MED20: variants seen among roughly 807,000 people sequenced by gnomAD.
MED20 encodes mediator complex subunit 20.
MED20 carries 19 observed loss-of-function variants against 19.7 expected under a neutral mutation model. The ratio of observed to expected loss-of-function variants is 0.96; its 90% CI spans 0.67 to 1.42. The LOEUF (loss-of-function observed/expected upper bound fraction) is 1.42, where lower values mean the gene tolerates loss of function less well. MED20 is among the 40% of genes most tolerant of loss of function. The probability of loss-of-function intolerance (pLI) is 0.00; values close to 1 mark genes in which losing one functional copy is unlikely to be tolerated. For missense variants in MED20, 225 were observed against 273.0 expected (o/e 0.82, Z 1.24); for synonymous variants, 105 against 104.8 (o/e 1.00, Z -0.01).
chr6:41,909,035 A>T (rs1238271637), intron 3 of MED20: 2 of 523,366 alleles, frequency 3.8e-6, no homozygotes, highest in South Asian at 3.6e-5. Context: ...AAAAAAAAAA[A>T]TTTAATTCGG....
At chr6:41,915,527 C>T (rs1293925197) in intron 2 of MED20, among the ~76,000 whole-genome samples, 1 of 152,058 alleles carries the variant, frequency 6.6e-6, no homozygotes, top group African/African-American at 2.4e-5. Flanking sequence ...GTGGCTCACG[C>T]CTATAATCCC....
At chr6:41,917,581 A>C (rs9357371) in intron 1 of MED20, 73,557 of 346,186 alleles carry the variant, frequency 0.21, 8,648 homozygotes, top group East Asian at 0.3. Context: ...CCCCTCTAAG[A>C]ACTGGAGCAC....
Position 41,918,026 on chromosome 6 carries a change from C to T in MED20, c.15-1087G>A, listed in dbSNP as rs115284879. ...AGAATGGAACAAAACAAAAAAAAAA[C>T]GTTATTTCTAAGGTTTCCTCCTATG... is the stretch of plus-strand genomic sequence containing the variant. On this transcript the variant is annotated intron_variant, in intron 1 of 3. Coordinates refer to ENST00000265350, the MANE Select transcript of MED20 (RefSeq NM_004275.5). 4.7e-3 allele frequency: 1,289 copies of T among 272,468 alleles called. 16 individuals are homozygous for T. The highest frequency in any genetic ancestry group is 0.026 in the African/African-American group (1,165 of 44,524). The allele number at this position is 272,468 out of a possible 1,614,324, so 16.9% of individuals were successfully genotyped here.
intron 2 of MED20, among the ~76,000 whole-genome samples, chr6:41,910,261 A>G (rs978043944): frequency 1.3e-5 from 2 of 152,220 alleles, no homozygotes; most frequent in Admixed American, 1.3e-4. Context: ...TCTCTAAAAT[A>G]TGAGTTTTCT....
chr6:41,915,509 TGGGCGC>T (rs1056140885), intron 2 of MED20, among the ~76,000 whole-genome samples: 11 of 134,258 alleles, frequency 8.2e-5, no homozygotes, highest in African/African-American at 3.2e-4. Context: ...ACACACACGC[TGGGCGC>T]GGTGGCTCAC....
At chr6:41,918,027 G>T (rs542105949) in intron 1 of MED20, 1 of 273,550 alleles carries the variant, frequency 3.7e-6, no homozygotes, top group South Asian at 3.2e-5. Context: ...AAAAAAAAAC[G>T]TTATTTCTAA....
chr6:41,920,722 G>A (rs1775439436), intron 1 of MED20: 2 of 349,084 alleles, frequency 5.7e-6, no homozygotes, highest in Non-Finnish European at 1.0e-5. Flanking sequence ...AGTGAGCCAA[G>A]ATCGCTCCAC....
chr6:41,913,279 G>C (rs185766053), intron 2 of MED20, among the ~76,000 whole-genome samples: 1 of 152,268 alleles, frequency 6.6e-6, no homozygotes, highest in East Asian at 1.9e-4. Context: ...CACAGAGCCA[G>C]TAACCAGCAA....
At chr6:41,920,222 C>A (rs1775424666) in intron 1 of MED20, among the ~76,000 whole-genome samples, 1 of 152,122 alleles carries the variant, frequency 6.6e-6, no homozygotes, top group African/African-American at 2.4e-5. Context: ...GAAACGGGTC[C>A]TAAAGAGATA....
In MED20 at chr6:41,907,291, G is replaced by A. The variant is rs756319113; in HGVS notation, c.424-4C>T. On this transcript the variant is annotated splice_region_variant and splice_polypyrimidine_tract_variant and intron_variant, in intron 3 of 3. Transcript: ENST00000265350. Reference sequence around the variant, plus strand: ...CCACACAGGGGCCATACTCCACCTGGGAACCAAAAGCACAGAGAATGAGGG... The same window carrying A: ...CCACACAGGGGCCATACTCCACCTGAGAACCAAAAGCACAGAGAATGAGGG... The A allele has an allele frequency of 1.2e-6, 2 of 1,608,084 alleles. No homozygotes were observed. The highest frequency in any genetic ancestry group is 2.2e-5 in the South Asian group (2 of 90,456).
At chr6:41,908,814 G>C (rs1369065994) in intron 3 of MED20, 2 of 164,724 alleles carry the variant, frequency 1.2e-5, no homozygotes, top group Non-Finnish European at 2.6e-5. Context: ...ATTAAAGAAA[G>C]GATAAAAGAT....
chr6:41,921,125 G>GTT lies in MED20; in HGVS notation c.-108_-107insAA. 4.1e-6 allele frequency: 6 copies of GTT among 1,451,048 alleles called. No homozygotes were observed. The highest frequency in any genetic ancestry group is 1.2e-5 in the South Asian group (1 of 80,628). The allele number at this position is 1,451,048 out of a possible 1,614,324, so 89.9% of individuals were successfully genotyped here. A position where few individuals can be genotyped will look rare whatever the true frequency, so the allele number is the denominator to read the frequency against. ...CCAACACAACCTTCTGTCTCAGAAG[G>GTT]GACTCCGGAAATACGTAAAAACAGA... On this transcript the variant is annotated 5_prime_UTR_variant, in exon 1 of 4. Transcript: ENST00000265350.
At chr6:41,914,224 C>A (rs887078866) in intron 2 of MED20, among the ~76,000 whole-genome samples, 1 of 152,180 alleles carries the variant, frequency 6.6e-6, no homozygotes, top group Non-Finnish European at 1.5e-5. Flanking sequence ...TGAGGGCTGC[C>A]TAGCAGAAGC....
At chr6:41,908,134 C>T (rs965713412) in intron 3 of MED20, among the ~76,000 whole-genome samples, 1 of 152,198 alleles carries the variant, frequency 6.6e-6, no homozygotes, top group South Asian at 2.1e-4. Flanking sequence ...TGTTGATCCT[C>T]AGGAAGCATC....
At position 41,915,745 on chromosome 6, in the gene MED20, C is replaced by G. The variant is rs539685192; in HGVS notation, c.169+1040G>C. Reference sequence around the variant, plus strand: ...GAGCTTGCAGTGAGCCGAGATTGCGCCACTGCACTCCAGCCTGGGCGACAG... The same window carrying G: ...GAGCTTGCAGTGAGCCGAGATTGCGGCACTGCACTCCAGCCTGGGCGACAG... On this transcript the variant is annotated intron_variant, in intron 2 of 3. Coordinates refer to ENST00000265350, the MANE Select transcript of MED20 (RefSeq NM_004275.5). Among the ~76,000 whole-genome samples, 130 of 142,856 alleles carry G rather than the reference C, an allele frequency of 9.1e-4. 1 individual carries two copies. Among genetic ancestry groups the G allele is most frequent in the African/African-American group, 3.3e-3 (126 of 38,402 alleles). 93.7% of individuals were successfully genotyped at this position (142,856 alleles called of 152,430 possible).
At chr6:41,920,889 A>G (rs1408689486) in intron 1 of MED20, 116 bp downstream of exon 1, 1 of 1,373,408 alleles carries the variant, frequency 7.3e-7, no homozygotes, top group African/African-American at 1.5e-5. Context: ...CCTCTCATCT[A>G]CACAACCCGA....
In MED20 at chr6:41,906,803, A is replaced by G; in HGVS notation, c.*269T>C. The G allele has an allele frequency of 2.3e-6, 1 of 439,962 alleles. No homozygotes were observed. Among genetic ancestry groups the G allele is most frequent in the Non-Finnish European group, 4.1e-6 (1 of 241,632 alleles). The allele number at this position is 439,962 out of a possible 1,614,324, so 27.3% of individuals were successfully genotyped here. A position where few individuals can be genotyped will look rare whatever the true frequency, so the allele number is the denominator to read the frequency against. ...TTCCCCTAAAGGAGGCAAGGTCCAA[A>G]CTTCTCCACTCTTCATAATTACCAT... is the stretch of plus-strand genomic sequence containing the variant. On this transcript the variant is annotated 3_prime_UTR_variant, in exon 4 of 4. Coordinates refer to ENST00000265350, the MANE Select transcript of MED20 (RefSeq NM_004275.5).
chr6:41,917,113 T>G (rs993331849), intron 1 of MED20, among the ~76,000 whole-genome samples, 174 bp from the exon 2 acceptor site: 1 of 151,996 alleles, frequency 6.6e-6, no homozygotes, highest in African/African-American at 2.4e-5. Context: ...TTAAAAAAAA[T>G]TTTTTTGGCC....
intron 1 of MED20, chr6:41,917,841 G>A (rs1003223128): frequency 1.3e-5 from 6 of 467,080 alleles, no homozygotes; most frequent in African/African-American, 1.2e-4. Context: ...CAGAGCCACA[G>A]GTGGCTGGGA....
Sources: gnomAD v4.1 joint callset for allele counts (sites outside exome capture counted in the v4.1 genomes callset) on GRCh38, gnomAD v4.1.1 for gene constraint, MANE v1.5 for transcripts, NCBI Gene and HGNC (gene_info 2026-07-23, HGNC 2026-07-21) for gene names.